The following BTBD2 variants were observed in gnomAD, a reference collection of about 807,000 sequenced individuals.
BTBD2 encodes the protein BTB/POZ domain-containing protein 2.
BTBD2 carries 15 observed loss-of-function variants against 44.0 expected under a neutral mutation model. The ratio of observed to expected loss-of-function variants is 0.34; its 90% CI spans 0.23 to 0.53. The LOEUF is 0.53. BTBD2 is among the 20% of genes least tolerant of loss of function. The pLI is 0.95. For missense variants in BTBD2, 657 were observed against 746.4 expected, an observed-to-expected ratio of 0.88 and a Z score of 1.39; for synonymous variants, 443 against 335.9, an observed-to-expected ratio of 1.32 and a Z score of -3.49.
At chr19:2,014,310 G>T in intron 1 of BTBD2, 1 of 152,328 alleles carries the variant, frequency 6.6e-6, no homozygotes. Flanking sequence ...TGGCATGTGG[G>T]GTCATGGGTC....
chr19:2,013,826 G>C (rs1200928635), intron 1 of BTBD2: 1 of 254,560 alleles, frequency 3.9e-6, no homozygotes, highest in Non-Finnish European at 6.2e-6. Flanking sequence ...AGGACGCAGG[G>C]AGCAAGGCCT....
At position 1,986,613 on chromosome 19, in the gene BTBD2, T is replaced by C. The variant is rs776300893; in HGVS notation, c.1453A>G (p.Lys485Glu). Reference protein sequence around the residue: ...DSHYGTKGLRKVTHESPTTGA... With the variant: ...DSHYGTKGLREVTHESPTTGA... ...GTGGTGGGCGACTCGTGTGTCACCT[T>C]GCGCAGGCCTTTGGTGCCGTAGTGG... Residue 485 changes from lysine (K) to glutamate (E), a missense_variant, in exon 9 of 9, where the codon AAG becomes GAG. Physicochemically the swap from Lys to Glu is moderately conservative, Grantham distance 56 (BLOSUM62 1). Around this residue, in one of 3 missense-constraint regions of BTBD2, gnomAD observed 449 missense variants for 510.9 expected, o/e 0.88. Coordinates refer to ENST00000255608, the MANE Select transcript of BTBD2 (RefSeq NM_017797.4). 2 of 1,613,898 alleles carry C rather than the reference T, an allele frequency of 1.2e-6. No homozygotes were observed. Among genetic ancestry groups the C allele is most frequent in the East Asian group, 2.2e-5 (1 of 44,886 alleles).
intron 4 of BTBD2, 155 bp from the exon 5 acceptor site, chr19:1,990,356 G>T: frequency 1.3e-6 from 1 of 793,160 alleles, no homozygotes; most frequent in Non-Finnish European, 2.0e-6. Context: ...TATAAATAAA[G>T]CTTTATCAAC....
intron 5 of BTBD2, chr19:1,989,335 G>C (rs895350047): frequency 3.2e-5 from 5 of 153,882 alleles, no homozygotes; most frequent in Admixed American, 3.2e-4. Flanking sequence ...AGGCTGCAGT[G>C]AGCTGTGATT....
At chr19:2,012,740 CCTA>C (rs1394993753) in intron 1 of BTBD2, among the ~76,000 whole-genome samples, 2 of 152,206 alleles carry the variant, frequency 1.3e-5, no homozygotes, top group Non-Finnish European at 2.9e-5. Flanking sequence ...AGACCCCTCA[CCTA>C]CTTTTCTCCA....
chr19:2,002,193 C>T (rs116447726), intron 1 of BTBD2, among the ~76,000 whole-genome samples: 3,527 of 152,090 alleles, frequency 0.023, 142 homozygotes, highest in African/African-American at 0.081. Flanking sequence ...GCAATGATCC[C>T]ACCTCAGCCT....
chr19:1,995,766 A>T (rs1337955509), intron 2 of BTBD2, among the ~76,000 whole-genome samples: 1 of 151,100 alleles, frequency 6.6e-6, no homozygotes, highest in African/African-American at 2.4e-5. Context: ...CCTCCCAAGT[A>T]GCTGCGACTA....
intron 1 of BTBD2, among the ~76,000 whole-genome samples, chr19:2,007,719 G>C (rs980856733): frequency 2.0e-5 from 3 of 152,092 alleles, no homozygotes; most frequent in Non-Finnish European, 4.4e-5. Flanking sequence ...CCAGCCACTC[G>C]GGAGGCTGAG....
rs2016064036 is a variant in BTBD2, at chr19:1,985,478, A to G, written c.*1010T>C. 6.6e-6 allele frequency: 1 copy of G among 152,474 alleles called. No individual in the cohort carries two copies. The highest frequency in any genetic ancestry group is 2.4e-5 in the African/African-American group (1 of 41,434). The allele number at this position is 152,474 out of a possible 1,614,324, so 9.4% of individuals were successfully genotyped here. A position where few individuals can be genotyped will look rare whatever the true frequency, so the allele number is the denominator to read the frequency against. On this transcript the variant is annotated 3_prime_UTR_variant, in exon 9 of 9. Coordinates refer to ENST00000255608, the MANE Select transcript of BTBD2 (RefSeq NM_017797.4). ...TGCATTTGTTTCTTTATTTAAAAAA[A>G]TCATCTGGGGGCATGGTCTGAGGAG...
At chr19:1,996,148 A>G (rs567130054) in intron 2 of BTBD2, among the ~76,000 whole-genome samples, 1 of 152,046 alleles carries the variant, frequency 6.6e-6, no homozygotes, top group African/African-American at 2.4e-5. Flanking sequence ...TCTCTGTTCC[A>G]TTCCATTGGT....
intron 1 of BTBD2, among the ~76,000 whole-genome samples, chr19:2,012,208 A>G (rs2079256): frequency 0.55 from 82,236 of 148,774 alleles, 24,920 homozygotes; most frequent in African/African-American, 0.8. Flanking sequence ...GCTGGAGTGC[A>G]ATGGCGCAAT....
Position 1,986,311 on chromosome 19 carries a change from A to C in BTBD2, c.*177T>G. 1.3e-6 allele frequency: 1 copy of C among 763,472 alleles called. No individual in the cohort carries two copies. The highest frequency in any genetic ancestry group is 2.7e-5 in the East Asian group (1 of 36,732). The allele number at this position is 763,472 out of a possible 1,614,324, so 47.3% of individuals were successfully genotyped here. A position where few individuals can be genotyped will look rare whatever the true frequency, so the allele number is the denominator to read the frequency against. On this transcript the variant is annotated 3_prime_UTR_variant, in exon 9 of 9. Coordinates refer to ENST00000255608, the MANE Select transcript of BTBD2 (RefSeq NM_017797.4). ...CCGGCTGCCCTGATCCAGCAGCCACACTCGTGGTGAACACAGGGCAACCCC... is the reference window on the plus strand; with the variant it reads ...CCGGCTGCCCTGATCCAGCAGCCACCCTCGTGGTGAACACAGGGCAACCCC...
rs1419976629 is a variant in BTBD2 at position 2,015,509 on chromosome 19, G to A, written c.195C>T (p.Pro65=). ...CGCCCGCGGCCTGCGCGTCTGTCCC[G>A]GGGCCCGGCGGGGCGGGCGGCGTCG... ...PGPTPPAPPG[P]GTDAQAAGAE... The change falls in exon 1 of 9, where the codon CCC becomes CCT. Residue 65 remains proline (P), a synonymous_variant. Coordinates refer to ENST00000255608, the MANE Select transcript of BTBD2 (RefSeq NM_017797.4). The A allele has an allele frequency of 7.3e-5, 72 of 986,096 alleles. No homozygotes were observed. The highest frequency in any genetic ancestry group is 8.5e-5 in the Non-Finnish European group (71 of 833,500). The allele number at this position is 986,096 out of a possible 1,614,324, so 61.1% of individuals were successfully genotyped here.
Position 1,987,918 on chromosome 19 carries a change from CAG to C in BTBD2, c.989-228_989-227del, listed in dbSNP as rs1162355539. ...CCAGAGGCCGACAGATACGCTCACT[CAG>C]GGGCGATGCCTCAGGGTCTGACAGA... On this transcript the variant is annotated intron_variant, in intron 5 of 8. Coordinates refer to ENST00000255608, the MANE Select transcript of BTBD2 (RefSeq NM_017797.4). 5.9e-5 allele frequency: 33 copies of C among 558,402 alleles called. No individual in the cohort carries two copies. In the South Asian group the frequency reaches 6.6e-4, roughly 11 times the overall value. The allele number at this position is 558,402 out of a possible 1,614,324, so 34.6% of individuals were successfully genotyped here. A position where few individuals can be genotyped will look rare whatever the true frequency, so the allele number is the denominator to read the frequency against.
chr19:2,003,869 G>A (rs1304777744), intron 1 of BTBD2, among the ~76,000 whole-genome samples: 6 of 151,266 alleles, frequency 4.0e-5, no homozygotes, highest in Non-Finnish European at 5.9e-5. Flanking sequence ...AGCTGGAACC[G>A]CTTAGGGCAA....
At chr19:1,997,915 T>G (rs1326183965) in intron 1 of BTBD2, among the ~76,000 whole-genome samples, 2 of 152,230 alleles carry the variant, frequency 1.3e-5, no homozygotes, top group Non-Finnish European at 2.9e-5. Flanking sequence ...CACATATTCA[T>G]TCATTAACTA....
intron 1 of BTBD2, 58 bp from the exon 2 acceptor site, chr19:1,997,521 A>C (rs1207609969): frequency 6.2e-6 from 10 of 1,605,508 alleles, no homozygotes; most frequent in African/African-American, 2.7e-5. Flanking sequence ...CACGGCCGGG[A>C]GGGCCAGCCC....
chr19:2,009,777 G>T (rs1357129031), intron 1 of BTBD2, among the ~76,000 whole-genome samples: 1 of 152,128 alleles, frequency 6.6e-6, no homozygotes, highest in Admixed American at 6.6e-5. Context: ...TTGAGCCAGG[G>T]AGCTGAAGGC....
intron 1 of BTBD2, among the ~76,000 whole-genome samples, chr19:2,000,367 T>C (rs142406173): frequency 2.8e-4 from 43 of 152,320 alleles, no homozygotes; most frequent in African/African-American, 7.7e-4. Context: ...GGGACTTCTC[T>C]TTCTTGATTT....
Sources: allele counts gnomAD v4.1 joint callset (sites outside exome capture counted in the v4.1 genomes callset), GRCh38; gene constraint gnomAD v4.1.1; regional missense constraint gnomAD v4.1.1; transcripts MANE v1.5; gene names NCBI Gene and HGNC (gene_info 2026-07-23, HGNC 2026-07-21).